The following LUZP2 variants were observed in gnomAD, a reference collection of about 807,000 sequenced individuals.
LUZP2 encodes the protein leucine zipper protein 2.
Under a neutral mutation model 51.6 loss-of-function variants are expected in LUZP2, and 52 were observed. The observed-to-expected ratio is 1.01, with a 90% CI of 0.81 to 1.27. LUZP2 has a LOEUF of 1.27. Among genes scored for constraint, LUZP2 ranks in the 50% most tolerant of loss-of-function variants. LUZP2 has a pLI of 0.00. For missense variants in LUZP2, 436 were observed against 395.4 expected, an observed-to-expected ratio of 1.10 and a Z score of -0.87; for synonymous variants, 154 against 137.3, an observed-to-expected ratio of 1.12 and a Z score of -0.85.
At chr11:24,716,247 G>GA (rs1481342077) in intron 1 of LUZP2, among the ~76,000 whole-genome samples, 6 of 152,072 alleles carry the variant, frequency 3.9e-5, no homozygotes, top group Non-Finnish European at 7.4e-5. Flanking sequence ...ATTTCTTTGG[G>GA]AAAACCAAAT....
intron 1 of LUZP2, among the ~76,000 whole-genome samples, chr11:24,567,247 A>T (rs58461875): frequency 0.042 from 6,440 of 151,670 alleles, 419 homozygotes; most frequent in African/African-American, 0.15. Flanking sequence ...TGAAAAAAAA[A>T]TCAGTAAAGT....
At chr11:24,920,313 T>G (rs934708764) in intron 7 of LUZP2, among the ~76,000 whole-genome samples, 1 of 152,018 alleles carries the variant, frequency 6.6e-6, no homozygotes, top group Admixed American at 6.6e-5. Flanking sequence ...TTCAGGGAAT[T>G]GGTAGTCCAG....
At chr11:25,018,964 T>A (rs979361712) in intron 9 of LUZP2, among the ~76,000 whole-genome samples, 2 of 152,108 alleles carry the variant, frequency 1.3e-5, no homozygotes, top group Non-Finnish European at 2.9e-5. Flanking sequence ...CACAGCAAAA[T>A]TGAGCAGAAA....
chr11:24,914,441 G>A (rs756128508), intron 6 of LUZP2, 35 bp from the exon 7 acceptor site: 1 of 1,463,992 alleles, frequency 6.8e-7, no homozygotes, highest in Non-Finnish European at 9.5e-7. Context: ...AAATATAAAT[G>A]AGTTACACAA....
intron 4 of LUZP2, among the ~76,000 whole-genome samples, chr11:24,740,776 C>T (rs1318966277): frequency 2.0e-5 from 3 of 152,038 alleles, no homozygotes; most frequent in Non-Finnish European, 2.9e-5. Context: ...CATCTTCATC[C>T]GTTAGCTGAA....
intron 9 of LUZP2, among the ~76,000 whole-genome samples, chr11:25,004,141 A>T (rs1856770097): frequency 6.6e-6 from 1 of 152,126 alleles, no homozygotes; most frequent in African/African-American, 2.4e-5. Flanking sequence ...GGGCACCCTG[A>T]GTCCAGTTGT....
chr11:24,602,148 A>ATATG lies in LUZP2; in HGVS notation c.62+104844_62+104845insATGT, dbSNP rs1189571960. Among the ~76,000 whole-genome samples the ATATG allele has an allele frequency of 3.4e-3, 284 of 82,906 alleles. 6 individuals carry two copies. The highest frequency in any genetic ancestry group is 0.014 in the African/African-American group (270 of 18,954). 54.4% of individuals were successfully genotyped at this position (82,906 alleles called of 152,430 possible). ...TATGTATATGTGTATATATGTATAT[A>ATATG]TGTATATATGTATATATGTGTATAT... On this transcript the variant is annotated intron_variant, in intron 1 of 11. Transcript: ENST00000336930.
At chr11:24,934,532 A>G (rs1012481362) in intron 7 of LUZP2, among the ~76,000 whole-genome samples, 1 of 152,172 alleles carries the variant, frequency 6.6e-6, no homozygotes, top group Non-Finnish European at 1.5e-5. Context: ...AACTTTAATA[A>G]CATACTTAAA....
intron 4 of LUZP2, among the ~76,000 whole-genome samples, chr11:24,760,994 A>T (rs556653294): frequency 6.6e-6 from 1 of 152,206 alleles, no homozygotes; most frequent in African/African-American, 2.4e-5. Flanking sequence ...AGAGGTTCCC[A>T]GTTCAAATCT....
At chr11:24,890,527 G>C (rs1223632267) in intron 5 of LUZP2, among the ~76,000 whole-genome samples, 1 of 152,082 alleles carries the variant, frequency 6.6e-6, no homozygotes, top group East Asian at 1.9e-4. Context: ...CAATCTTGTA[G>C]GCTTGATTTA....
chr11:25,061,912 C>G (rs909593622), intron 10 of LUZP2, among the ~76,000 whole-genome samples: 1 of 151,908 alleles, frequency 6.6e-6, no homozygotes, highest in Non-Finnish European at 1.5e-5. Flanking sequence ...GAATGAAGAC[C>G]TTAAGTTTTT....
At chr11:24,600,021 T>C (rs1411014364) in intron 1 of LUZP2, among the ~76,000 whole-genome samples, 1 of 152,170 alleles carries the variant, frequency 6.6e-6, no homozygotes, top group East Asian at 1.9e-4. Flanking sequence ...ATAAAAGATA[T>C]GTTGAATTCC....
At chr11:25,065,710 A>G (rs535999573) in intron 10 of LUZP2, among the ~76,000 whole-genome samples, 1 of 152,014 alleles carries the variant, frequency 6.6e-6, no homozygotes, top group Non-Finnish European at 1.5e-5. Flanking sequence ...TTCAATAATT[A>G]CTCCAGGTAG....
chr11:24,921,681 T>C (rs1854062501), intron 7 of LUZP2, among the ~76,000 whole-genome samples: 1 of 152,168 alleles, frequency 6.6e-6, no homozygotes. Flanking sequence ...ATAACTCCTA[T>C]ATTAGTATTA....
At chr11:24,531,113 A>C (rs1850981360) in intron 1 of LUZP2, among the ~76,000 whole-genome samples, 1 of 149,674 alleles carries the variant, frequency 6.7e-6, no homozygotes, top group African/African-American at 2.4e-5. Context: ...GCAACTTCAT[A>C]ATGCACTGTG....
chr11:24,644,985 T>C (rs1329078539), intron 1 of LUZP2, among the ~76,000 whole-genome samples: 1 of 152,176 alleles, frequency 6.6e-6, no homozygotes, highest in Admixed American at 6.6e-5. Context: ...TGTAAATCAC[T>C]TTATAGATCC....
chr11:24,545,455 A>G (rs1251377356), intron 1 of LUZP2, among the ~76,000 whole-genome samples: 2 of 150,814 alleles, frequency 1.3e-5, no homozygotes, highest in Admixed American at 1.3e-4. Context: ...CTTGTATACT[A>G]TGTGGTGTAA....
chr11:24,808,303 T>C (rs1849913665), intron 5 of LUZP2, among the ~76,000 whole-genome samples: 2 of 152,318 alleles, frequency 1.3e-5, no homozygotes, highest in Admixed American at 1.3e-4. Flanking sequence ...ACTCATGCTT[T>C]TGTGAAGGTC....
In LUZP2 at chr11:24,797,427, TCTC is replaced by T. The variant is rs1028755246; in HGVS notation, c.396+34122_396+34124del. Among the ~76,000 whole-genome samples the T allele has an allele frequency of 1.3e-4, 20 of 152,298 alleles. 1 individual carries two copies. Among genetic ancestry groups the T allele is most frequent in the Admixed American group, 1.3e-3 (20 of 15,288 alleles). ...TATGAATTTGCTTTTATGTCAATAA[TCTC>T]CTTTTATCCTAGAAACAATTTTGCA... On this transcript the variant is annotated intron_variant, in intron 5 of 11. Transcript: ENST00000336930.
Sources: allele counts gnomAD v4.1 joint callset (sites outside exome capture counted in the v4.1 genomes callset), GRCh38; gene constraint gnomAD v4.1.1; transcripts MANE v1.5; gene names NCBI Gene and HGNC (gene_info 2026-07-23, HGNC 2026-07-21).